Variants in XXYLT1 observed in about 807,000 individuals in gnomAD.
XXYLT1 encodes the protein xyloside xylosyltransferase 1.
XXYLT1 carries 20 observed loss-of-function variants against 28.9 expected under a neutral mutation model. That is an observed-to-expected ratio of 0.69 (90% CI 0.49 to 1.00). The LOEUF (loss-of-function observed/expected upper bound fraction) is 1.00, where lower values mean the gene tolerates loss of function less well. XXYLT1 is among the 50% of genes least tolerant of loss of function. XXYLT1 has a pLI of 0.00. For missense variants in XXYLT1, 542 were observed against 560.1 expected (o/e 0.97, Z 0.33); for synonymous variants, 257 against 253.8 (o/e 1.01, Z -0.12).
intron 2 of XXYLT1, among the ~76,000 whole-genome samples, chr3:195,214,141 A>T (rs1200314679): frequency 6.6e-6 from 1 of 152,174 alleles, no homozygotes; most frequent in Non-Finnish European, 1.5e-5. Context: ...TAGAGAAGAC[A>T]GCAGAAAGCA....
chr3:195,146,530 G>A (rs764213128), intron 3 of XXYLT1, among the ~76,000 whole-genome samples: 3 of 152,072 alleles, frequency 2.0e-5, no homozygotes, highest in Non-Finnish European at 4.4e-5. Flanking sequence ...CCAAACCCTC[G>A]GCAAATGCCT....
chr3:195,196,804 A>T (rs1473976783), intron 2 of XXYLT1, among the ~76,000 whole-genome samples: 1 of 152,196 alleles, frequency 6.6e-6, no homozygotes, highest in Non-Finnish European at 1.5e-5. Context: ...ATATTGGATG[A>T]GACAAGACTA....
At chr3:195,184,691 CCA>C in intron 2 of XXYLT1, 1 of 985,390 alleles carries the variant, frequency 1.0e-6, no homozygotes, top group Non-Finnish European at 1.2e-6. Context: ...CTTCCCCACC[CCA>C]CACACAGCCG....
At chr3:195,081,010 C>A (rs1281585436) in intron 3 of XXYLT1, among the ~76,000 whole-genome samples, 1 of 152,212 alleles carries the variant, frequency 6.6e-6, no homozygotes, top group South Asian at 2.1e-4. Context: ...CACAATGTGG[C>A]ATGGATCTTG....
chr3:195,183,298 A>T (rs1464898178), intron 2 of XXYLT1, among the ~76,000 whole-genome samples: 3 of 152,178 alleles, frequency 2.0e-5, no homozygotes, highest in African/African-American at 7.2e-5. Context: ...TTCTAGTAAT[A>T]GTCAGTTCTC....
intron 3 of XXYLT1, among the ~76,000 whole-genome samples, chr3:195,113,827 A>T (rs1013187016): frequency 7.2e-5 from 11 of 152,114 alleles, no homozygotes; most frequent in Non-Finnish European, 4.4e-5. Context: ...GGGCATTCTG[A>T]TAGTGCCAGA....
rs113636347 is a variant in XXYLT1 at position 195,246,254 on chromosome 3, G to C, written c.505-19398C>G. ...CAAGCATCGGTCCCCAGGAAGACAA[G>C]GCTGTCACGACTGGAAGAAAGAAGA... On this transcript the variant is annotated intron_variant, in intron 1 of 3. Coordinates refer to ENST00000310380, the MANE Select transcript of XXYLT1 (RefSeq NM_152531.5). 7.3e-3 allele frequency among the ~76,000 whole-genome samples: 1,114 copies of C among 152,312 alleles called. 12 individuals carry two copies. The highest frequency in any genetic ancestry group is 0.048 in the Middle Eastern group (14 of 294).
At chr3:195,088,487 A>G (rs1304454330) in intron 3 of XXYLT1, among the ~76,000 whole-genome samples, 1 of 140,184 alleles carries the variant, frequency 7.1e-6, no homozygotes, top group Non-Finnish European at 1.6e-5. Flanking sequence ...AAGGAAAACT[A>G]ACAAACAGAA....
At chr3:195,213,166 C>T (rs191996388) in intron 2 of XXYLT1, among the ~76,000 whole-genome samples, 1 of 152,162 alleles carries the variant, frequency 6.6e-6, no homozygotes, top group African/African-American at 2.4e-5. Context: ...GTAGCTTTGG[C>T]TGGAAGGTGA....
chr3:195,153,676 A>C (rs1720403781), intron 3 of XXYLT1, among the ~76,000 whole-genome samples: 1 of 152,214 alleles, frequency 6.6e-6, no homozygotes, highest in African/African-American at 2.4e-5. Flanking sequence ...ACTGATTTTA[A>C]GTTGCACTGT....
intron 1 of XXYLT1, among the ~76,000 whole-genome samples, chr3:195,259,093 T>C (rs940798209): frequency 6.6e-6 from 1 of 152,226 alleles, no homozygotes; most frequent in Non-Finnish European, 1.5e-5. Context: ...TCTCATTTCA[T>C]CTGTTATCCC....
chr3:195,135,039 G>A (rs1719121079), intron 3 of XXYLT1, among the ~76,000 whole-genome samples: 2 of 152,178 alleles, frequency 1.3e-5, no homozygotes, highest in Non-Finnish European at 1.5e-5. Context: ...GCAATGGGTA[G>A]AAACCACAGG....
chr3:195,150,321 A>C lies in XXYLT1; in HGVS notation c.785+6128T>G, dbSNP rs964116712. Among the ~76,000 whole-genome samples the C allele has an allele frequency of 2.0e-5, 3 of 152,182 alleles. No homozygotes were observed. Among genetic ancestry groups the C allele is most frequent in the Non-Finnish European group, 4.4e-5 (3 of 68,016 alleles). On this transcript the variant is annotated intron_variant, in intron 3 of 3. Coordinates refer to ENST00000310380, the MANE Select transcript of XXYLT1 (RefSeq NM_152531.5). This position sits in a 1 kb window ranked among gnomAD's most constrained non-coding sequence, Gnocchi z 4.7. ...AGGTCACACAGCAACTGAGTGGTAG[A>C]GGTAGTCAGTCCACACCCTCCCTTC...
chr3:195,270,168 G>C (rs1725970171), intron 1 of XXYLT1: 1 of 471,488 alleles, frequency 2.1e-6, no homozygotes, highest in South Asian at 1.7e-5. Context: ...TGCTCAGGAT[G>C]ACTACTGGTG....
At chr3:195,126,299 A>G (rs1210189230) in intron 3 of XXYLT1, among the ~76,000 whole-genome samples, 1 of 152,194 alleles carries the variant, frequency 6.6e-6, no homozygotes, top group African/African-American at 2.4e-5. Flanking sequence ...GGTATTCGTT[A>G]CCGCACCTGA....
chr3:195,122,445 A>G (rs1199992142), intron 3 of XXYLT1, among the ~76,000 whole-genome samples: 1 of 143,406 alleles, frequency 7.0e-6, no homozygotes, highest in Non-Finnish European at 1.6e-5. Context: ...AGCAGTACTG[A>G]GTAGTACTAC....
intron 3 of XXYLT1, among the ~76,000 whole-genome samples, chr3:195,107,138 A>G (rs2410841): frequency 2.0e-4 from 3 of 15,264 alleles, no homozygotes; most frequent in African/African-American, 6.4e-4. Flanking sequence ...ACAGCTTCAC[A>G]TTTTCAGCAA....
intron 2 of XXYLT1, among the ~76,000 whole-genome samples, chr3:195,186,539 G>A (rs75791940): frequency 1.3e-5 from 2 of 151,976 alleles, no homozygotes; most frequent in African/African-American, 2.4e-5. Flanking sequence ...TTCTTCCTCC[G>A]TGTCTTGGCC....
chr3:195,236,577 G>A (rs1441287181), intron 1 of XXYLT1, among the ~76,000 whole-genome samples: 1 of 151,816 alleles, frequency 6.6e-6, no homozygotes, highest in African/African-American at 2.4e-5. Context: ...GGCCCAGTTG[G>A]TGCTCCCCCT....
Sources: allele counts gnomAD v4.1 joint callset (sites outside exome capture counted in the v4.1 genomes callset), GRCh38; gene constraint gnomAD v4.1.1; non-coding constraint Gnocchi (gnomAD v3.1); transcripts MANE v1.5; gene names NCBI Gene and HGNC (gene_info 2026-07-23, HGNC 2026-07-21).